ADIPOR2: variants seen among roughly 807,000 people sequenced by gnomAD.
ADIPOR2 encodes adiponectin receptor 2, also known as adiponectin receptor protein 2.
In ADIPOR2, 18 loss-of-function variants were observed where a neutral mutation model predicts 40.9. That is an observed-to-expected ratio of 0.44 (90% CI 0.30 to 0.65). The LOEUF (loss-of-function observed/expected upper bound fraction) is 0.65, where lower values mean the gene tolerates loss of function less well. ADIPOR2 is among the 30% of genes least tolerant of loss of function. The probability of loss-of-function intolerance (pLI) is 0.09; values close to 1 mark genes in which losing one functional copy is unlikely to be tolerated. For missense variants in ADIPOR2, 283 were observed against 479.2 expected (o/e 0.59, Z 3.82); for synonymous variants, 165 against 166.4 (o/e 0.99, Z 0.06).
At chr12:1,703,424 C>G (rs1287644388) in intron 1 of ADIPOR2, among the ~76,000 whole-genome samples, 1 of 151,958 alleles carries the variant, frequency 6.6e-6, no homozygotes, top group Non-Finnish European at 1.5e-5. Context: ...CACATTTAAA[C>G]AGAAGTAAAA....
intron 2 of ADIPOR2, among the ~76,000 whole-genome samples, chr12:1,764,270 T>C (rs1862328700): frequency 6.6e-6 from 1 of 152,170 alleles, no homozygotes; most frequent in South Asian, 2.1e-4. Context: ...GTGAGGGTCA[T>C]AGTTTACTTT....
chr12:1,772,785 A>C, intron 2 of ADIPOR2, 57 bp from the exon 3 acceptor site: 1 of 1,549,040 alleles, frequency 6.5e-7, no homozygotes, highest in Non-Finnish European at 8.7e-7. Flanking sequence ...AAATGTATTG[A>C]TTGTGTCATT....
intron 1 of ADIPOR2, among the ~76,000 whole-genome samples, chr12:1,721,128 C>A (rs1432879590): frequency 3.3e-5 from 5 of 151,860 alleles, no homozygotes; most frequent in Admixed American, 3.3e-4. Context: ...TTGCCCCGGC[C>A]ACCTTGAGCA....
At chr12:1,759,462 G>A (rs753657341) in intron 2 of ADIPOR2, among the ~76,000 whole-genome samples, 12 of 152,114 alleles carry the variant, frequency 7.9e-5, no homozygotes, top group Non-Finnish European at 1.3e-4. Context: ...GGGGTGTCTC[G>A]TTTTTTATTA....
chr12:1,698,348 G>A (rs984438362), intron 1 of ADIPOR2, among the ~76,000 whole-genome samples: 17 of 152,182 alleles, frequency 1.1e-4, no homozygotes, highest in African/African-American at 4.1e-4. Flanking sequence ...TCCCAACTGA[G>A]ACTCCCACGT....
intron 1 of ADIPOR2, among the ~76,000 whole-genome samples, chr12:1,738,942 T>C (rs1270015347): frequency 2.6e-5 from 4 of 152,244 alleles, no homozygotes; most frequent in African/African-American, 9.6e-5. Context: ...ATTATTTGTT[T>C]TCAAAGAATA....
chr12:1,732,035 T>G (rs2094721624), intron 1 of ADIPOR2, among the ~76,000 whole-genome samples: 1 of 152,184 alleles, frequency 6.6e-6, no homozygotes, highest in Admixed American at 6.5e-5. Flanking sequence ...TTTTGAGCAT[T>G]TTTATGTTAT....
chr12:1,724,991 C>CTG (rs2094704961), intron 1 of ADIPOR2, among the ~76,000 whole-genome samples: 1 of 152,146 alleles, frequency 6.6e-6, no homozygotes, highest in African/African-American at 2.4e-5. Flanking sequence ...AAGAGTCACT[C>CTG]TATACCATCA....
intron 2 of ADIPOR2, among the ~76,000 whole-genome samples, chr12:1,770,732 C>T (rs994961651): frequency 6.6e-6 from 1 of 152,060 alleles, no homozygotes; most frequent in African/African-American, 2.4e-5. Context: ...TTCTATTAAA[C>T]GTTAAATAAA....
intron 1 of ADIPOR2, among the ~76,000 whole-genome samples, chr12:1,731,776 A>G (rs979181577): frequency 4.6e-5 from 7 of 152,336 alleles, no homozygotes; most frequent in Admixed American, 6.5e-5. Context: ...CCTGGCCAAC[A>G]TGGTGAAACC....
intron 1 of ADIPOR2, among the ~76,000 whole-genome samples, chr12:1,721,785 A>G (rs960234129): frequency 4.6e-5 from 7 of 152,218 alleles, no homozygotes; most frequent in African/African-American, 1.7e-4. Context: ...AGAGTCAGCC[A>G]TGGCAAAGAT....
At chr12:1,767,331 G>A (rs1862404827) in intron 2 of ADIPOR2, among the ~76,000 whole-genome samples, 1 of 150,000 alleles carries the variant, frequency 6.7e-6, no homozygotes, top group African/African-American at 2.5e-5. Flanking sequence ...AAAAAACTGA[G>A]TGATTTTAAA....
intron 1 of ADIPOR2, among the ~76,000 whole-genome samples, chr12:1,710,483 A>T (rs568931284): frequency 6.6e-6 from 1 of 151,768 alleles, no homozygotes; most frequent in Non-Finnish European, 1.5e-5. Context: ...ATTCTGTCCT[A>T]TTTTTCCTTA....
intron 1 of ADIPOR2, among the ~76,000 whole-genome samples, chr12:1,693,596 C>T (rs1196585855): frequency 2.6e-5 from 4 of 151,462 alleles, no homozygotes; most frequent in South Asian, 4.2e-4. Flanking sequence ...TGCAATGGCA[C>T]GATCTTGGCT....
At position 1,758,139 on chromosome 12, in the gene ADIPOR2, T is replaced by G. The variant is rs1244406771; in HGVS notation, c.171+3625T>G. The G allele has an allele frequency of 1.8e-5, 8 of 448,446 alleles. No homozygotes were observed. The South Asian group carries it at 3.2e-4, about 18-fold the overall frequency. The allele number at this position is 448,446 out of a possible 1,614,324, so 27.8% of individuals were successfully genotyped here. On this transcript the variant is annotated intron_variant, in intron 2 of 7. Transcript: ENST00000357103. Reference sequence around the variant, plus strand: ...TGTAATACTATATATTTTTGTTTCCTGTCTTCACTGGTTGAAGTGGTATCT... The same window carrying G: ...TGTAATACTATATATTTTTGTTTCCGGTCTTCACTGGTTGAAGTGGTATCT...
At chr12:1,762,015 A>T (rs918774966) in intron 2 of ADIPOR2, among the ~76,000 whole-genome samples, 1 of 152,136 alleles carries the variant, frequency 6.6e-6, no homozygotes, top group South Asian at 2.1e-4. Flanking sequence ...TCATTTCAGG[A>T]CATTCTTCTC....
At chr12:1,758,212 G>T (rs1473510692) in intron 2 of ADIPOR2, among the ~76,000 whole-genome samples, 1 of 152,150 alleles carries the variant, frequency 6.6e-6, no homozygotes, top group African/African-American at 2.4e-5. Flanking sequence ...ATAATTAGGT[G>T]GATGGGATTT....
intron 1 of ADIPOR2, among the ~76,000 whole-genome samples, chr12:1,749,832 G>GTTTTTTTT: frequency 8.4e-6 from 1 of 119,238 alleles, no homozygotes; most frequent in Non-Finnish European, 1.7e-5. Context: ...TATTTGTTTA[G>GTTTTTTTT]TTTTTTTTTT....
At chr12:1,769,295 T>G (rs956718744) in intron 2 of ADIPOR2, among the ~76,000 whole-genome samples, 1 of 152,206 alleles carries the variant, frequency 6.6e-6, no homozygotes, top group African/African-American at 2.4e-5. Context: ...TTAGCCAGTG[T>G]TTAACTCTGC....
Sources: gnomAD v4.1 joint callset for allele counts (sites outside exome capture counted in the v4.1 genomes callset) on GRCh38, gnomAD v4.1.1 for gene constraint, MANE v1.5 for transcripts, NCBI Gene and HGNC (gene_info 2026-07-23, HGNC 2026-07-21) for gene names.